TIAM1: variants seen among roughly 807,000 people sequenced by gnomAD.
TIAM1 encodes the protein rho guanine nucleotide exchange factor TIAM1.
Under a neutral mutation model 163.5 loss-of-function variants are expected in TIAM1, and 65 were observed. That is an observed-to-expected ratio of 0.40 (90% confidence interval 0.33 to 0.49). TIAM1 has a LOEUF of 0.49. TIAM1 is among the 20% of genes least tolerant of loss of function. The pLI, the probability that TIAM1 is intolerant of heterozygous loss-of-function variation, is 0.77. For synonymous variants in TIAM1, 833 were observed against 810.1 expected (o/e 1.03, Z -0.48); for missense variants, 1,789 against 2,044.7 (o/e 0.87, Z 2.41).
intron 6 of TIAM1, among the ~76,000 whole-genome samples, chr21:31,231,635 G>A (rs2088438526): frequency 6.6e-6 from 1 of 152,168 alleles, no homozygotes; most frequent in Admixed American, 6.5e-5. Context: ...AACTTATAAA[G>A]AAAGACAGTG....
At position 31,132,492 on chromosome 21, in the gene TIAM1, T is replaced by C. The variant is rs113573336; in HGVS notation, c.3884-1544A>G. ...CTGAGAAGGCCTTTTATTCCCACTATGAAGCCTTCAGAAATCAGAGAGGCT... is the reference window on the plus strand; with the variant it reads ...CTGAGAAGGCCTTTTATTCCCACTACGAAGCCTTCAGAAATCAGAGAGGCT... On this transcript the variant is annotated intron_variant, in intron 23 of 27. Transcript: ENST00000541036. Among the ~76,000 whole-genome samples, 865 of 152,296 alleles carry C rather than the reference T, an allele frequency of 5.7e-3. 4 individuals are homozygous for C. Among genetic ancestry groups the C allele is most frequent in the Non-Finnish European group, 1.0e-2 (678 of 68,032 alleles).
At chr21:31,281,085 CAA>C (rs748020575) in intron 2 of TIAM1, among the ~76,000 whole-genome samples, 57 of 63,728 alleles carry the variant, frequency 8.9e-4, no homozygotes, top group South Asian at 1.5e-3. Context: ...GACCCTAACT[CAA>C]AAAAAAAAAA....
rs554424772 is a variant in TIAM1, at chr21:31,161,920, C to T, written c.2991+3042G>A. On this transcript the variant is annotated intron_variant, in intron 16 of 27. Transcript: ENST00000541036. The stretch of plus-strand genomic sequence containing the variant: ...AAGAAACTTCAGGTGTTTTCTTGCT[C>T]TTACTTTAAATCATAAAAAGAGACA... Among the ~76,000 whole-genome samples the T allele has an allele frequency of 2.6e-5, 4 of 152,278 alleles. No individual in the cohort carries two copies. In the South Asian group the frequency reaches 6.2e-4, roughly 24 times the overall value.
intron 13 of TIAM1, among the ~76,000 whole-genome samples, chr21:31,190,772 G>C (rs1159699146): frequency 6.6e-6 from 1 of 152,186 alleles, no homozygotes; most frequent in Non-Finnish European, 1.5e-5. Flanking sequence ...AGAGGCAAGA[G>C]AGAGAAATTA....
chr21:31,143,648 T>C (rs1448572192), intron 20 of TIAM1, among the ~76,000 whole-genome samples: 2 of 152,044 alleles, frequency 1.3e-5, no homozygotes, highest in African/African-American at 2.4e-5. Flanking sequence ...CTAATAAAAA[T>C]GTCTTTCCAT....
intron 15 of TIAM1, among the ~76,000 whole-genome samples, chr21:31,169,575 G>A (rs2084405861): frequency 6.6e-6 from 1 of 152,106 alleles, no homozygotes; most frequent in Non-Finnish European, 1.5e-5. Context: ...TAAGACTTTT[G>A]AGAAACAAAG....
intron 2 of TIAM1, among the ~76,000 whole-genome samples, chr21:31,350,021 G>A (rs141475610): frequency 0.01 from 1,555 of 152,330 alleles, 14 homozygotes; most frequent in Non-Finnish European, 0.016. Flanking sequence ...AACGATCTTA[G>A]CATTTATAAT....
In TIAM1 at chr21:31,325,667, C is replaced by CAAAA. The variant is rs200884558; in HGVS notation, c.-189+13572_-189+13575dup. ...TGGGCGACAGAGCAAGACTCTGACT[C>CAAAA]AAAAAAAAAAAAAAAGAATGTATAC... is the stretch of plus-strand genomic sequence containing the variant. On this transcript the variant is annotated intron_variant, in intron 2 of 27. Transcript: ENST00000541036. 7.0e-5 allele frequency among the ~76,000 whole-genome samples: 7 copies of CAAAA among 99,982 alleles called. No individual in the cohort carries two copies. In the South Asian group the frequency reaches 1.5e-3, roughly 22 times the overall value. 65.6% of individuals were successfully genotyped at this position (99,982 alleles called of 152,430 possible). A position where few individuals can be genotyped will look rare whatever the true frequency, so the allele number is the denominator to read the frequency against.
At position 31,405,996 on chromosome 21, in the gene TIAM1, G is replaced by T. The variant is rs540269658; in HGVS notation, c.-369+57987C>A. On this transcript the variant is annotated intron_variant, in intron 2 of 28. Coordinates refer to the TIAM1 transcript ENST00000286827. ...TTGCTTTAAAAGTATAAAAGACTGGGCTCCTATGGAATTCAAAACACAAGA... is the reference window on the plus strand; with the variant it reads ...TTGCTTTAAAAGTATAAAAGACTGGTCTCCTATGGAATTCAAAACACAAGA... Among the ~76,000 whole-genome samples, 4 of 152,080 alleles carry T rather than the reference G, an allele frequency of 2.6e-5. No homozygotes were observed. In the South Asian group the frequency reaches 8.3e-4, roughly 32 times the overall value.
intron 15 of TIAM1, among the ~76,000 whole-genome samples, chr21:31,165,578 C>T (rs1381369960): frequency 2.0e-5 from 3 of 152,112 alleles, no homozygotes; most frequent in African/African-American, 4.8e-5. Flanking sequence ...TGGGGCTTCC[C>T]AGGCTCTAAA....
At chr21:31,269,963 G>A (rs1005374767) in intron 3 of TIAM1, among the ~76,000 whole-genome samples, 3 of 152,106 alleles carry the variant, frequency 2.0e-5, no homozygotes, top group Non-Finnish European at 4.4e-5. Flanking sequence ...GAGCCACCAC[G>A]CCCGGCCGAT....
At chr21:31,349,995 C>G (rs768961646) in intron 2 of TIAM1, among the ~76,000 whole-genome samples, 1 of 152,220 alleles carries the variant, frequency 6.6e-6, no homozygotes, top group African/African-American at 2.4e-5. Flanking sequence ...AGGAAATAAG[C>G]CAACCCTGTT....
At chr21:31,350,751 T>C (rs888540001) in intron 2 of TIAM1, among the ~76,000 whole-genome samples, 2 of 152,240 alleles carry the variant, frequency 1.3e-5, no homozygotes, top group Non-Finnish European at 2.9e-5. Flanking sequence ...TGCAGAACCA[T>C]GAGCCAATTA....
intron 2 of TIAM1, among the ~76,000 whole-genome samples, chr21:31,449,564 G>T (rs1020806713): frequency 5.9e-5 from 9 of 152,018 alleles, no homozygotes; most frequent in African/African-American, 2.2e-4. Flanking sequence ...TTTTAGTAAA[G>T]ACGGGGTTTC....
intron 2 of TIAM1, among the ~76,000 whole-genome samples, chr21:31,448,524 C>T (rs1417981604): frequency 3.3e-5 from 5 of 151,014 alleles, no homozygotes; most frequent in Admixed American, 6.6e-5. Flanking sequence ...GAGAATTGCT[C>T]GAGCCTAGGC....
rs138733543 is a variant in TIAM1, at chr21:31,515,761, G to A, written c.-422+43166C>T. 1.2e-4 allele frequency among the ~76,000 whole-genome samples: 18 copies of A among 152,188 alleles called. No homozygotes were observed. In the East Asian group the frequency reaches 3.5e-3, roughly 29 times the overall value. On this transcript the variant is annotated intron_variant, in intron 1 of 28. Coordinates refer to the TIAM1 transcript ENST00000286827. ...GAATTTCCATGGAGCAAGTGATTTGGGAAAAATTAATATGTGGCTCCTGTT... is the reference window on the plus strand; with the variant it reads ...GAATTTCCATGGAGCAAGTGATTTGAGAAAAATTAATATGTGGCTCCTGTT...
At chr21:31,335,355 T>A (rs1031954277) in intron 2 of TIAM1, among the ~76,000 whole-genome samples, 2 of 152,094 alleles carry the variant, frequency 1.3e-5, no homozygotes, top group Admixed American at 1.3e-4. Flanking sequence ...AATAATGACT[T>A]CAACAAGCTC....
intron 2 of TIAM1, among the ~76,000 whole-genome samples, chr21:31,362,298 C>T (rs2076419694): frequency 6.6e-6 from 1 of 152,020 alleles, no homozygotes; most frequent in South Asian, 2.1e-4. Flanking sequence ...ATGGACATGA[C>T]AATTCCAGCC....
At chr21:31,415,644 A>G (rs925653652) in intron 2 of TIAM1, among the ~76,000 whole-genome samples, 4 of 152,202 alleles carry the variant, frequency 2.6e-5, no homozygotes, top group African/African-American at 9.6e-5. Context: ...AAGAAATGGT[A>G]GGATTGTTGT....
Sources: allele counts gnomAD v4.1 joint callset (sites outside exome capture counted in the v4.1 genomes callset), GRCh38; gene constraint gnomAD v4.1.1; transcripts MANE v1.5; gene names NCBI Gene and HGNC (gene_info 2026-07-23, HGNC 2026-07-21).